The following PCDHA1 variants were observed in gnomAD, a reference collection of about 807,000 sequenced individuals.
PCDHA1 encodes the protein protocadherin alpha 1, also known as protocadherin alpha-1.
Under a neutral mutation model 61.3 loss-of-function variants are expected in PCDHA1, and 42 were observed. The observed-to-expected ratio is 0.69, with a 90% CI of 0.54 to 0.89. The LOEUF (loss-of-function observed/expected upper bound fraction) is 0.89. Among genes scored for constraint, PCDHA1 ranks in the 40% least tolerant of loss-of-function variants. PCDHA1 has a pLI of 0.00. For missense variants in PCDHA1, 1,256 were observed against 1,235.3 expected (o/e 1.02, Z -0.25); for synonymous variants, 610 against 553.8 (o/e 1.10, Z -1.43).
intron 2 of PCDHA1, chr5:140,982,217 C>T (rs1257918481): frequency 3.9e-6 from 2 of 507,664 alleles, no homozygotes; most frequent in Non-Finnish European, 6.2e-6. Context: ...CGCCACATGG[C>T]GTTAATAAAA....
At chr5:140,938,468 A>T (rs1427570517) in intron 1 of PCDHA1, among the ~76,000 whole-genome samples, 1 of 152,096 alleles carries the variant, frequency 6.6e-6, no homozygotes, top group Non-Finnish European at 1.5e-5. Flanking sequence ...TTAATTTATT[A>T]TGTTTTTTAA....
At chr5:140,893,488 C>G (rs2064010316) in intron 1 of PCDHA1, among the ~76,000 whole-genome samples, 1 of 151,368 alleles carries the variant, frequency 6.6e-6, no homozygotes, top group Non-Finnish European at 1.5e-5. Flanking sequence ...CCCTGTTCTT[C>G]ACAAAAAAGA....
At chr5:140,831,544 T>A (rs2150108470) in intron 1 of PCDHA1, among the ~76,000 whole-genome samples, 1 of 122,808 alleles carries the variant, frequency 8.1e-6, no homozygotes, top group Non-Finnish European at 1.7e-5. Flanking sequence ...TTTTTTTTTT[T>A]AAGAGATGGG....
rs2150253454 is a variant in PCDHA1 at position 140,836,128 on chromosome 5, C to G, written c.2394+47444C>G. ...GGTGGCGCAGTGAGAGAGCTTGTGC[C>G]GCGGTCTGTGGGCGCGGGCCATGTG... On this transcript the variant is annotated intron_variant, in intron 1 of 3. Transcript: ENST00000504120. 13 of 1,613,624 alleles carry G rather than the reference C, an allele frequency of 8.1e-6. 2 individuals are homozygous for G. Among genetic ancestry groups the G allele is most frequent in the African/African-American group, 4.0e-5 (3 of 74,864 alleles).
chr5:140,874,732 C>T (rs1338972564), intron 1 of PCDHA1, among the ~76,000 whole-genome samples: 1 of 152,186 alleles, frequency 6.6e-6, no homozygotes, highest in Non-Finnish European at 1.5e-5. Context: ...TTATCACATT[C>T]AAGCATCAAG....
intron 1 of PCDHA1, chr5:140,852,531 C>G (rs1197831362): frequency 2.2e-6 from 1 of 450,452 alleles, no homozygotes; most frequent in African/African-American, 2.1e-5. Context: ...CCACCTCGGC[C>G]TCCCAAAGTG....
chr5:140,809,419 G>A (rs1425791454), intron 1 of PCDHA1: 1 of 1,614,220 alleles, frequency 6.2e-7, no homozygotes, highest in Non-Finnish European at 8.5e-7. Flanking sequence ...GCTCCAGTGC[G>A]GTGGGGAGCT....
chr5:140,942,511 CAG>C (rs574477918), intron 1 of PCDHA1, among the ~76,000 whole-genome samples: 21 of 151,458 alleles, frequency 1.4e-4, no homozygotes, highest in Non-Finnish European at 2.8e-4. Flanking sequence ...CTAGGAAACT[CAG>C]AGGGGAAGCA....
At chr5:140,888,958 A>G (rs1174377099) in intron 1 of PCDHA1, among the ~76,000 whole-genome samples, 1 of 152,010 alleles carries the variant, frequency 6.6e-6, no homozygotes, top group African/African-American at 2.4e-5. Flanking sequence ...TTTCTTTGGC[A>G]ATGTTAATGT....
Position 140,884,117 on chromosome 5 carries a change from G to A in PCDHA1, c.2395-94832G>A, listed in dbSNP as rs782383006. 1 of 1,613,298 alleles carries A rather than the reference G, an allele frequency of 6.2e-7. No homozygotes were observed. The highest frequency in any genetic ancestry group is 1.7e-5 in the Admixed American group (1 of 60,006). On this transcript the variant is annotated intron_variant, in intron 1 of 3. Transcript: ENST00000504120. ...GTATGAATTGCAGCTGGCGGCGGTC[G>A]GCGCGCGCATCCCGTTCCGCGTGGG...
intron 1 of PCDHA1, among the ~76,000 whole-genome samples, chr5:140,901,442 T>G (rs1490397176): frequency 6.6e-6 from 1 of 152,206 alleles, no homozygotes; most frequent in Non-Finnish European, 1.5e-5. Flanking sequence ...GATATCTAGT[T>G]TCCCAGCACA....
At chr5:140,916,463 G>A (rs934007072) in intron 1 of PCDHA1, among the ~76,000 whole-genome samples, 2 of 152,212 alleles carry the variant, frequency 1.3e-5, no homozygotes, top group African/African-American at 2.4e-5. Flanking sequence ...TATCACTGCT[G>A]GTTATTTGGT....
At chr5:140,844,546 A>G (rs1268882110) in intron 1 of PCDHA1, among the ~76,000 whole-genome samples, 2 of 149,518 alleles carry the variant, frequency 1.3e-5, no homozygotes, top group Non-Finnish European at 3.0e-5. Context: ...CCCTTTGTTC[A>G]TGAGTTGGAA....
intron 1 of PCDHA1, among the ~76,000 whole-genome samples, chr5:140,913,494 T>C (rs1554195964): frequency 6.6e-6 from 1 of 152,116 alleles, no homozygotes; most frequent in Non-Finnish European, 1.5e-5. Flanking sequence ...CATTAGTCTG[T>C]TTAAAACTTT....
chr5:140,968,652 ACCTGGACCT>A lies in PCDHA1; in HGVS notation c.2395-10295_2395-10287del, dbSNP rs1332508740. The A allele has an allele frequency of 1.9e-6, 3 of 1,614,000 alleles. No homozygotes were observed. In the African/African-American group the frequency reaches 4.0e-5, roughly 22 times the overall value. On this transcript the variant is annotated intron_variant, in intron 1 of 3. Transcript: ENST00000504120. ...TTTTACCATCTAGCCCAGACTTCTGACCTGGACCTCTTTAAGGTAGAGCTGCACACAGGA... is the reference window on the plus strand; with the variant it reads ...TTTTACCATCTAGCCCAGACTTCTGACTTTAAGGTAGAGCTGCACACAGGA...
intron 1 of PCDHA1, among the ~76,000 whole-genome samples, chr5:140,888,860 A>C (rs1349587487): frequency 6.6e-6 from 1 of 152,086 alleles, no homozygotes; most frequent in Non-Finnish European, 1.5e-5. Flanking sequence ...GAGTGAGACC[A>C]TGTCTCAACA....
At chr5:140,828,625 C>T (rs1202747267) in intron 1 of PCDHA1, 5 of 1,614,096 alleles carry the variant, frequency 3.1e-6, no homozygotes, top group African/African-American at 1.3e-5. Context: ...GCGAATACTT[C>T]GGGCTAGATG....
intron 1 of PCDHA1, among the ~76,000 whole-genome samples, chr5:140,840,557 C>A (rs1199062901): frequency 2.6e-5 from 4 of 151,962 alleles, no homozygotes; most frequent in Non-Finnish European, 5.9e-5. Context: ...GGCAATACTG[C>A]TAGAGTTTGG....
In PCDHA1 at chr5:140,941,191, T is replaced by C. The variant is rs184104978; in HGVS notation, c.2395-37758T>C. Among the ~76,000 whole-genome samples the C allele has an allele frequency of 2.1e-3, 199 of 93,252 alleles. 3 individuals are homozygous for C. Among genetic ancestry groups the C allele is most frequent in the South Asian group, 0.011 (39 of 3,542 alleles). The allele number at this position is 93,252 out of a possible 152,430, so 61.2% of individuals were successfully genotyped here. A position where few individuals can be genotyped will look rare whatever the true frequency, so the allele number is the denominator to read the frequency against. On this transcript the variant is annotated intron_variant, in intron 1 of 3. Transcript: ENST00000504120. ...CATCTTGAACATCCTGCTTCTTTTT[T>C]TTTCTTTCTTCCTTTCTTTCTTCCT...
Sources: gnomAD v4.1 joint callset for allele counts (sites outside exome capture counted in the v4.1 genomes callset) on GRCh38, gnomAD v4.1.1 for gene constraint, MANE v1.5 for transcripts, NCBI Gene and HGNC (gene_info 2026-07-23, HGNC 2026-07-21) for gene names.